Variants in CFAP299 observed in about 807,000 individuals in gnomAD.
The protein encoded by CFAP299 is cilia and flagella associated protein 299.
Under a neutral mutation model 27.0 loss-of-function variants are expected in CFAP299, and 21 were observed. The ratio of observed to expected loss-of-function variants is 0.78; its 90% CI spans 0.55 to 1.12. The LOEUF (loss-of-function observed/expected upper bound fraction) is 1.12. Ranked by LOEUF, CFAP299 falls within the 50% of genes most tolerant of loss-of-function variation. CFAP299 has a pLI of 0.00. For missense variants in CFAP299, 310 were observed against 276.6 expected, an observed-to-expected ratio of 1.12 and a Z score of -0.86; for synonymous variants, 104 against 98.1, an observed-to-expected ratio of 1.06 and a Z score of -0.36.
At chr4:80,852,327 T>C (rs374022746) in intron 3 of CFAP299, among the ~76,000 whole-genome samples, 1 of 152,174 alleles carries the variant, frequency 6.6e-6, no homozygotes, top group South Asian at 2.1e-4. Context: ...ACTCTGGGGA[T>C]GGGACTCAGC....
At chr4:80,712,966 A>AT (rs1010727477) in intron 3 of CFAP299, among the ~76,000 whole-genome samples, 16 of 151,942 alleles carry the variant, frequency 1.1e-4, no homozygotes, top group African/African-American at 3.9e-4. Context: ...TCATTCATTC[A>AT]TTTTTTGAGA....
chr4:80,789,548 T>C (rs1727433907), intron 3 of CFAP299, among the ~76,000 whole-genome samples: 1 of 152,108 alleles, frequency 6.6e-6, no homozygotes, highest in Non-Finnish European at 1.5e-5. Flanking sequence ...AAGATTTATA[T>C]AGATAAGTGT....
At chr4:80,858,061 A>G (rs1732040836) in intron 3 of CFAP299, among the ~76,000 whole-genome samples, 1 of 152,068 alleles carries the variant, frequency 6.6e-6, no homozygotes, top group Non-Finnish European at 1.5e-5. Flanking sequence ...TTGGTAAGCT[A>G]TTGATTATTG....
chr4:80,483,919 G>A (rs1213973154), intron 2 of CFAP299, among the ~76,000 whole-genome samples: 1 of 152,150 alleles, frequency 6.6e-6, no homozygotes, highest in African/African-American at 2.4e-5. Context: ...TTTAGCAGTA[G>A]TGTTGAAAGC....
chr4:80,323,851 A>G, the CFAP299 span, among the ~76,000 whole-genome samples: 3 of 152,326 alleles, frequency 2.0e-5, no homozygotes, highest in Non-Finnish European at 4.4e-5. Context: ...CAATAATTAG[A>G]TACACAAGTT....
intron 5 of CFAP299, among the ~76,000 whole-genome samples, chr4:80,961,753 T>C (rs1406704007): frequency 6.6e-6 from 1 of 151,898 alleles, no homozygotes; most frequent in Non-Finnish European, 1.5e-5. Context: ...GCATTGTACT[T>C]TTTCCTGATG....
chr4:80,826,101 T>C (rs1043651621), intron 3 of CFAP299, among the ~76,000 whole-genome samples: 1 of 151,838 alleles, frequency 6.6e-6, no homozygotes. Context: ...AGGATGAAAC[T>C]GTATAAAAGC....
At chr4:80,444,083 T>C (rs1442274867) in intron 2 of CFAP299, among the ~76,000 whole-genome samples, 2 of 152,150 alleles carry the variant, frequency 1.3e-5, no homozygotes, top group African/African-American at 4.8e-5. Context: ...AAAATCAATA[T>C]TGTGAAAATG....
chr4:80,436,433 G>A (rs749996857), intron 2 of CFAP299, among the ~76,000 whole-genome samples: 2 of 151,918 alleles, frequency 1.3e-5, no homozygotes, highest in Non-Finnish European at 2.9e-5. Context: ...CGAGTAGCTG[G>A]GACTACCGGC....
At chr4:80,955,269 T>G (rs1036954597) in intron 5 of CFAP299, among the ~76,000 whole-genome samples, 2 of 152,142 alleles carry the variant, frequency 1.3e-5, no homozygotes, top group African/African-American at 4.8e-5. Flanking sequence ...TAGAATGAGT[T>G]GAAGGTACAG....
chr4:80,557,519 T>C lies in CFAP299; in HGVS notation c.243-25574T>C, dbSNP rs567813160. ...CTAACACGTACAAATTAAAACGCTG[T>C]GATTTAGGAGTTACTGCCATCAGTA... On this transcript the variant is annotated intron_variant, in intron 2 of 5. Transcript: ENST00000358105. 3.9e-5 allele frequency among the ~76,000 whole-genome samples: 6 copies of C among 152,214 alleles called. No individual in the cohort carries two copies. In the East Asian group the frequency reaches 9.7e-4, roughly 25 times the overall value.
intron 2 of CFAP299, among the ~76,000 whole-genome samples, chr4:80,504,609 G>A (rs941123227): frequency 2.1e-5 from 3 of 146,308 alleles, no homozygotes; most frequent in Admixed American, 6.9e-5. Flanking sequence ...GAGGCAACAC[G>A]TTATACTATT....
rs1323378947 is a variant in CFAP299 at position 80,856,397 on chromosome 4, C to T, written c.334-13596C>T. Among the ~76,000 whole-genome samples the T allele has an allele frequency of 2.0e-5, 3 of 151,396 alleles. No individual in the cohort carries two copies. The East Asian group carries it at 5.8e-4, about 29-fold the overall frequency. On this transcript the variant is annotated intron_variant, in intron 3 of 5. Coordinates refer to ENST00000358105, the MANE Select transcript of CFAP299 (RefSeq NM_152770.3). ...TAGTTTCTTTTGCTGTGCAGAAGCT[C>T]TTTAGTTTAATTAGATCCCATTTGT...
chr4:80,350,210 A>G (rs532205710), intron 1 of CFAP299, among the ~76,000 whole-genome samples: 120 of 152,308 alleles, frequency 7.9e-4, no homozygotes, highest in African/African-American at 2.8e-3. Flanking sequence ...GGTAATAGCT[A>G]AACATTTTCC....
chr4:80,322,098 C>T, the CFAP299 span, among the ~76,000 whole-genome samples: 2 of 152,134 alleles, frequency 1.3e-5, no homozygotes, highest in East Asian at 1.9e-4. Context: ...TTGTGACTGA[C>T]CAATAGGGAG....
intron 2 of CFAP299, among the ~76,000 whole-genome samples, chr4:80,557,560 TTAAAG>T (rs1217535334): frequency 6.6e-6 from 1 of 152,110 alleles, no homozygotes; most frequent in Non-Finnish European, 1.5e-5. Flanking sequence ...AAGCAGTGTA[TTAAAG>T]TAGTTAGGTT....
At chr4:80,688,417 C>CT (rs1412599703) in intron 3 of CFAP299, among the ~76,000 whole-genome samples, 7 of 24,420 alleles carry the variant, frequency 2.9e-4, no homozygotes, top group Admixed American at 1.8e-3. Context: ...GAGGCACCCC[C>CT]CAGCAGGGGC....
chr4:80,694,725 A>G (rs565837210), intron 3 of CFAP299, among the ~76,000 whole-genome samples: 2 of 152,324 alleles, frequency 1.3e-5, no homozygotes, highest in South Asian at 4.1e-4. Flanking sequence ...TGTGGGTTAG[A>G]AGCATATTTT....
chr4:80,596,273 T>C (rs1181052019), intron 3 of CFAP299, among the ~76,000 whole-genome samples: 2 of 152,174 alleles, frequency 1.3e-5, no homozygotes, highest in Non-Finnish European at 2.9e-5. Flanking sequence ...ATGCAGTCTT[T>C]GCTTAAATAG....
Sources: allele counts gnomAD v4.1 joint callset (sites outside exome capture counted in the v4.1 genomes callset), GRCh38; gene constraint gnomAD v4.1.1; transcripts MANE v1.5; gene names NCBI Gene and HGNC (gene_info 2026-07-23, HGNC 2026-07-21).